Variants in CAST observed in about 807,000 individuals in gnomAD.
CAST encodes the protein calpastatin.
Under a neutral mutation model 119.6 loss-of-function variants are expected in CAST, and 76 were observed. The ratio of observed to expected loss-of-function variants is 0.64; its 90% CI spans 0.53 to 0.77. The LOEUF is 0.77. Among genes scored for constraint, CAST ranks in the 30% least tolerant of loss-of-function variants. CAST has a pLI of 0.00. For missense variants in CAST, 953 were observed against 946.5 expected (o/e 1.01, Z -0.09); for synonymous variants, 319 against 331.6 (o/e 0.96, Z 0.41).
At chr5:96,448,499 T>C in the CAST span, among the ~76,000 whole-genome samples, 1 of 152,332 alleles carries the variant, frequency 6.6e-6, no homozygotes, top group Middle Eastern at 3.4e-3. Flanking sequence ...ATGGAAACAG[T>C]TTCCGTGCCC....
At chr5:96,707,575 C>T (rs570137204) in intron 3 of CAST, among the ~76,000 whole-genome samples, 4 of 152,020 alleles carry the variant, frequency 2.6e-5, no homozygotes, top group Admixed American at 6.6e-5. Context: ...TTAGTAGAGA[C>T]GGGGTTTTGC....
intron 3 of CAST, among the ~76,000 whole-genome samples, chr5:96,705,351 A>G (rs1383582696): frequency 6.6e-6 from 1 of 152,108 alleles, no homozygotes; most frequent in South Asian, 2.1e-4. Flanking sequence ...AAAAGAAAAA[A>G]AAAGAATTGA....
chr5:96,524,343 T>C (rs1281518284), upstream of CAST, among the ~76,000 whole-genome samples: 1 of 152,210 alleles, frequency 6.6e-6, no homozygotes, highest in Non-Finnish European at 1.5e-5. Context: ...AGGAAGACAA[T>C]GACAGTGAAG....
the CAST span, among the ~76,000 whole-genome samples, chr5:96,156,475 A>G: frequency 6.6e-6 from 1 of 152,214 alleles, no homozygotes; most frequent in African/African-American, 2.4e-5. Flanking sequence ...TCTCTTTAGT[A>G]TAAGATGGGT....
the CAST span, among the ~76,000 whole-genome samples, chr5:96,474,104 C>CCGT: frequency 6.6e-6 from 1 of 152,130 alleles, no homozygotes; most frequent in Non-Finnish European, 1.5e-5. Flanking sequence ...CCATGTGGAT[C>CCGT]AGTTAGGGCT....
the CAST span, among the ~76,000 whole-genome samples, chr5:96,193,154 T>C: frequency 2.0e-5 from 3 of 152,226 alleles, no homozygotes; most frequent in South Asian, 6.2e-4. Flanking sequence ...CCAGTATTCC[T>C]TTCTCCTTTT....
the CAST span, among the ~76,000 whole-genome samples, chr5:96,350,680 C>G: frequency 6.6e-6 from 1 of 152,018 alleles, no homozygotes; most frequent in Non-Finnish European, 1.5e-5. Flanking sequence ...TTTGGGGTCC[C>G]GAGATTTATT....
At chr5:96,081,405 G>A in the CAST span, among the ~76,000 whole-genome samples, 1 of 152,222 alleles carries the variant, frequency 6.6e-6, no homozygotes, top group African/African-American at 2.4e-5. Flanking sequence ...CATGGCATTG[G>A]ATCAGAGAAC....
the CAST span, among the ~76,000 whole-genome samples, chr5:96,034,145 C>A: frequency 2.0e-4 from 30 of 151,876 alleles, no homozygotes; most frequent in African/African-American, 6.8e-4. Context: ...GGGCAAAGTA[C>A]CCCAATAGAC....
intron 1 of CAST, among the ~76,000 whole-genome samples, chr5:96,578,997 T>C (rs1033645496): frequency 1.3e-5 from 2 of 152,214 alleles, no homozygotes; most frequent in African/African-American, 4.8e-5. Flanking sequence ...CCTGCCAGTA[T>C]TGCTTGAAGA....
At chr5:96,129,196 T>C in the CAST span, among the ~76,000 whole-genome samples, 6 of 152,270 alleles carry the variant, frequency 3.9e-5, no homozygotes, top group South Asian at 4.1e-4. Context: ...AGACCAGATA[T>C]ACTGTGCATA....
chr5:96,293,714 C>T, the CAST span, among the ~76,000 whole-genome samples: 1 of 152,076 alleles, frequency 6.6e-6, no homozygotes, highest in Non-Finnish European at 1.5e-5. Context: ...AAAGCTTAGG[C>T]CTCATCGTCA....
chr5:96,211,082 C>A, the CAST span, among the ~76,000 whole-genome samples: 1 of 151,890 alleles, frequency 6.6e-6, no homozygotes, highest in East Asian at 1.9e-4. Flanking sequence ...TCCTTAGGAA[C>A]TTTTGTGTAG....
At chr5:96,528,919 C>T (rs1037919131), upstream of CAST, among the ~76,000 whole-genome samples, 12 of 152,166 alleles carry the variant, frequency 7.9e-5, no homozygotes, top group South Asian at 4.1e-4. Flanking sequence ...TGTTTCTTCC[C>T]CGAAGAAGTG....
chr5:96,230,516 A>G, the CAST span, among the ~76,000 whole-genome samples: 2 of 152,174 alleles, frequency 1.3e-5, no homozygotes, highest in African/African-American at 4.8e-5. Context: ...ATTCACATCT[A>G]TAAAAATAAT....
chr5:96,612,626 T>C (rs1315731812), intron 1 of CAST, among the ~76,000 whole-genome samples: 1 of 152,204 alleles, frequency 6.6e-6, no homozygotes, highest in Non-Finnish European at 1.5e-5. Flanking sequence ...CTTGTACCGG[T>C]TTAAAGAAAT....
chr5:96,504,236 GC>G, the CAST span, among the ~76,000 whole-genome samples: 1 of 152,058 alleles, frequency 6.6e-6, no homozygotes, highest in Non-Finnish European at 1.5e-5. Flanking sequence ...GCGCTATCTG[GC>G]CCCATCAGCT....
chr5:96,703,058 T>C (rs969967447), intron 3 of CAST: 7 of 487,168 alleles, frequency 1.4e-5, no homozygotes, highest in East Asian at 1.5e-4. Flanking sequence ...CTTTTCCTAC[T>C]ATCGCGACCC....
chr5:96,233,852 A>G, the CAST span, among the ~76,000 whole-genome samples: 1 of 152,170 alleles, frequency 6.6e-6, no homozygotes, highest in Non-Finnish European at 1.5e-5. Flanking sequence ...GTATAATCAG[A>G]CACTGTAGAA....
Sources: allele counts gnomAD v4.1 joint callset (sites outside exome capture counted in the v4.1 genomes callset), GRCh38; gene constraint gnomAD v4.1.1; transcripts MANE v1.5; gene names NCBI Gene and HGNC (gene_info 2026-07-23, HGNC 2026-07-21).